Variants in TSNAXIP1 observed in about 807,000 individuals in gnomAD.
TSNAXIP1 encodes translin-associated factor X-interacting protein 1.
TSNAXIP1 carries 89 observed loss-of-function variants against 84.8 expected under a neutral mutation model. The observed-to-expected ratio is 1.05, with a 90% CI of 0.88 to 1.25. The LOEUF is 1.25. Among genes scored for constraint, TSNAXIP1 ranks in the 50% most tolerant of loss-of-function variants. The pLI, the probability that TSNAXIP1 is intolerant of heterozygous loss-of-function variation, is 0.00. For synonymous variants in TSNAXIP1, 347 were observed against 335.2 expected (o/e 1.04, Z -0.39); for missense variants, 874 against 887.6 (o/e 0.98, Z 0.20).
At position 67,819,815 on chromosome 16, in the gene TSNAXIP1, A is replaced by ATTTTTTTTTTTTTTT. The variant is rs1162375778; in HGVS notation, c.148-1016_148-1002dup. On this transcript the variant is annotated intron_variant, in intron 2 of 15. Coordinates refer to ENST00000561639, the MANE Select transcript of TSNAXIP1 (RefSeq NM_001288990.3). ...AGCACATGCCACCACACCTGGCTAAATTTTTTTTTTTTTTTTTTTTTTGAG... is the reference window on the plus strand; with the variant it reads ...AGCACATGCCACCACACCTGGCTAAATTTTTTTTTTTTTTTTTTTTTTTTTTTTTTTTTTTTTGAG... Among the ~76,000 whole-genome samples the ATTTTTTTTTTTTTTT allele has an allele frequency of 8.4e-4, 86 of 102,638 alleles. 3 individuals are homozygous for ATTTTTTTTTTTTTTT. The highest frequency in any genetic ancestry group is 3.1e-3 in the African/African-American group (74 of 23,830). 67.3% of individuals were successfully genotyped at this position (102,638 alleles called of 152,430 possible).
At position 67,828,060 on chromosome 16, in the gene TSNAXIP1, C is replaced by A; in HGVS notation, c.*67C>A. 6.3e-7 allele frequency: 1 copy of A among 1,576,630 alleles called. No homozygotes were observed. Among genetic ancestry groups the A allele is most frequent in the Non-Finnish European group, 8.6e-7 (1 of 1,162,174 alleles). On this transcript the variant is annotated 3_prime_UTR_variant, in exon 16 of 16. Coordinates refer to ENST00000561639, the MANE Select transcript of TSNAXIP1 (RefSeq NM_001288990.3). ...TAGCTTTTAATATAAAAGTGTTTGTCTGAATCCATGCCATTCTCCAGACTG... is the reference window on the plus strand; with the variant it reads ...TAGCTTTTAATATAAAAGTGTTTGTATGAATCCATGCCATTCTCCAGACTG...
At chr16:67,813,625 C>G (rs771111538) in intron 1 of TSNAXIP1, among the ~76,000 whole-genome samples, 2 of 145,508 alleles carry the variant, frequency 1.4e-5, no homozygotes, top group Non-Finnish European at 3.0e-5. Flanking sequence ...CCCAGCTACT[C>G]GGGATGCTGA....
chr16:67,821,310 C>G (rs1239758024), intron 4 of TSNAXIP1, 85 bp downstream of exon 4: 1 of 1,524,042 alleles, frequency 6.6e-7, no homozygotes, highest in South Asian at 1.2e-5. Context: ...TGGCTCACGC[C>G]TGTAATCTCA....
chr16:67,824,227 A>G (rs2057278650), intron 5 of TSNAXIP1, among the ~76,000 whole-genome samples: 1 of 151,966 alleles, frequency 6.6e-6, no homozygotes, highest in Non-Finnish European at 1.5e-5. Flanking sequence ...TGTCATTGAG[A>G]AGCACAGGGG....
At chr16:67,815,082 C>G (rs1186092681) in intron 2 of TSNAXIP1, among the ~76,000 whole-genome samples, 1 of 151,610 alleles carries the variant, frequency 6.6e-6, no homozygotes, top group East Asian at 1.9e-4. Context: ...CTCTGGGAGG[C>G]CGAGGCAGGC....
In TSNAXIP1 at chr16:67,825,155, A is replaced by G; in HGVS notation, c.697A>G (p.Asn233Asp). 6.2e-7 allele frequency: 1 copy of G among 1,614,086 alleles called. No individual in the cohort carries two copies. The highest frequency in any genetic ancestry group is 2.2e-5 in the East Asian group (1 of 44,882). Residue 233 changes from asparagine to aspartate, a missense_variant, in exon 7 of 16, where the codon AAC becomes GAC. Coordinates refer to ENST00000561639, the MANE Select transcript of TSNAXIP1 (RefSeq NM_001288990.3). The stretch of plus-strand genomic sequence containing the variant: ...TTGCCAGGTGACCAAACTGAGGAAG[A>G]ACTTGGCTGAGGAGTACCTGCACTA... ...LQSEVTKLRK[N>D]LAEEYLHYLS...
At position 67,826,256 on chromosome 16, in the gene TSNAXIP1, C is replaced by A; in HGVS notation, c.1249C>A (p.Arg417=). The stretch of plus-strand genomic sequence containing the variant: ...GGAAGAGATTGGTTCGGGGCTGCTG[C>A]GGGAGAAAGACTTCTTCCCTGGTCT... ...LLEEIGSGLL[R]EKDFFPGLGY... Residue 417 remains arginine, a synonymous_variant, in exon 10 of 16, where the codon CGG becomes AGG. Coordinates refer to ENST00000561639, the MANE Select transcript of TSNAXIP1 (RefSeq NM_001288990.3). The A allele has an allele frequency of 6.3e-7, 1 of 1,582,038 alleles. No individual in the cohort carries two copies.
chr16:67,825,341 A>G (rs536516482), intron 7 of TSNAXIP1, 69 bp downstream of exon 7: 2 of 1,583,966 alleles, frequency 1.3e-6, no homozygotes, highest in South Asian at 1.1e-5. Flanking sequence ...CTCACCCCTA[A>G]GCCCCATTCA....
chr16:67,824,708 A>G lies in TSNAXIP1; in HGVS notation c.607A>G (p.Lys203Glu). The change falls in exon 6 of 16, where the codon AAG becomes GAG. Residue 203 changes from lysine to glutamate, a missense_variant. Transcript: ENST00000561639. ...AEEKYEISLL[K>E]KEKMNLLKLI... ...GGAGAAATATGAAATCTCCCTGCTC[A>G]AGAAAGAGAAGATGAACTTGCTAAA... 1 of 1,614,226 alleles carries G rather than the reference A, an allele frequency of 6.2e-7. No individual in the cohort carries two copies. Among genetic ancestry groups the G allele is most frequent in the Non-Finnish European group, 8.5e-7 (1 of 1,180,036 alleles).
At chr16:67,819,366 C>A (rs2056847681) in intron 2 of TSNAXIP1, among the ~76,000 whole-genome samples, 1 of 151,318 alleles carries the variant, frequency 6.6e-6, no homozygotes, top group African/African-American at 2.4e-5. Flanking sequence ...GCCTCAGCCT[C>A]CCGAGTAACT....
intron 2 of TSNAXIP1, among the ~76,000 whole-genome samples, chr16:67,818,940 G>A (rs1289228648): frequency 6.6e-6 from 1 of 152,026 alleles, no homozygotes; most frequent in Non-Finnish European, 1.5e-5. Flanking sequence ...CTGGCCTCAG[G>A]TTATCCGCTT....
At chr16:67,824,802 T>A in intron 6 of TSNAXIP1, 23 bp downstream of exon 6, 1 of 1,606,922 alleles carries the variant, frequency 6.2e-7, no homozygotes, top group Non-Finnish European at 8.5e-7. Context: ...GGTGTGATGA[T>A]GACCAAGTCC....
At position 67,824,758 on chromosome 16, in the gene TSNAXIP1, G is replaced by A. The variant is rs1023866131; in HGVS notation, c.657G>A (p.Glu219=). ...AACTCATCGACAAAAAGAATGAGGA[G>A]AAGATTTCATTGCAGAGCGAGGTGA... ...LLKLIDKKNE[E]KISLQSEVTK... is the part of the protein sequence containing the mutation. Residue 219 remains glutamate (E), a synonymous_variant, in exon 6 of 16, where the codon GAG becomes GAA. Transcript: ENST00000561639. 2.5e-6 allele frequency: 4 copies of A among 1,613,304 alleles called. No homozygotes were observed. Among genetic ancestry groups the A allele is most frequent in the Middle Eastern group, 1.6e-4 (1 of 6,062 alleles).
Position 67,826,284 on chromosome 16 carries a change from T to A in TSNAXIP1, c.1275+2T>A. 6.3e-7 allele frequency: 1 copy of A among 1,577,674 alleles called. No individual in the cohort carries two copies. Among genetic ancestry groups the A allele is most frequent in the South Asian group, 1.2e-5 (1 of 84,684 alleles). On this transcript the variant is annotated splice_donor_variant, in intron 10 of 15. Coordinates refer to ENST00000561639, the MANE Select transcript of TSNAXIP1 (RefSeq NM_001288990.3). LOFTEE classifies it high-confidence loss of function. The stretch of plus-strand genomic sequence containing the variant: ...GAGAAAGACTTCTTCCCTGGTCTGG[T>A]AGGGGAGGCCCCAGGAGTGGGGCTT...
At chr16:67,822,751 T>TGGGC in intron 4 of TSNAXIP1, among the ~76,000 whole-genome samples, 1 of 152,190 alleles carries the variant, frequency 6.6e-6, no homozygotes, top group Admixed American at 6.5e-5. Context: ...GGCTGGGGCC[T>TGGGC]TACATCGATC....
At chr16:67,818,375 G>C (rs1376586172) in intron 2 of TSNAXIP1, among the ~76,000 whole-genome samples, 1 of 152,108 alleles carries the variant, frequency 6.6e-6, no homozygotes, top group African/African-American at 2.4e-5. Context: ...AAATTAACCA[G>C]GAATGGTGGT....
chr16:67,807,344 G>C (rs1178802046), intron 1 of TSNAXIP1, 148 bp downstream of exon 1: 1 of 1,533,828 alleles, frequency 6.5e-7, no homozygotes, highest in African/African-American at 1.4e-5. Context: ...GTTAGAATCG[G>C]GCTGATTTAG....
chr16:67,825,616 C>A, intron 7 of TSNAXIP1, 51 bp from the exon 8 acceptor site: 2 of 1,571,854 alleles, frequency 1.3e-6, no homozygotes, highest in Non-Finnish European at 1.7e-6. Flanking sequence ...CTTCAGGCAA[C>A]CCCTGAGAAA....
intron 1 of TSNAXIP1, among the ~76,000 whole-genome samples, chr16:67,812,163 AC>A (rs1481292685): frequency 6.6e-6 from 1 of 151,852 alleles, no homozygotes; most frequent in Non-Finnish European, 1.5e-5. Context: ...CATAAATCAC[AC>A]ACCCCCACCC....
Sources: allele counts gnomAD v4.1 joint callset (sites outside exome capture counted in the v4.1 genomes callset), GRCh38; gene constraint gnomAD v4.1.1; transcripts MANE v1.5; gene names NCBI Gene and HGNC (gene_info 2026-07-23, HGNC 2026-07-21).